The following EIPR1 variants were observed in gnomAD, a reference collection of about 807,000 sequenced individuals.
EIPR1 encodes the protein EARP and GARP complex-interacting protein 1.
EIPR1 carries 25 observed loss-of-function variants against 48.1 expected under a neutral mutation model. The ratio of observed to expected loss-of-function variants is 0.52; its 90% CI spans 0.38 to 0.73. The LOEUF (loss-of-function observed/expected upper bound fraction) is 0.73. EIPR1 is among the 30% of genes least tolerant of loss of function. The pLI, the probability that EIPR1 is intolerant of heterozygous loss-of-function variation, is 0.00. For synonymous variants in EIPR1, 204 were observed against 201.9 expected, an observed-to-expected ratio of 1.01 and a Z score of -0.09; for missense variants, 415 against 506.2, an observed-to-expected ratio of 0.82 and a Z score of 1.73.
intron 3 of EIPR1, among the ~76,000 whole-genome samples, chr2:3,295,395 T>TCC (rs1668529642): frequency 8.3e-6 from 1 of 120,858 alleles, no homozygotes; most frequent in Non-Finnish European, 1.7e-5. Flanking sequence ...GGCTATCCTC[T>TCC]CTACACACAC....
At chr2:3,354,498 A>C (rs1670670869) in intron 2 of EIPR1, 52 bp downstream of exon 2, 1 of 1,534,506 alleles carries the variant, frequency 6.5e-7, no homozygotes. Flanking sequence ...TGGTTATAAA[A>C]CTAAGAATAG....
rs912415882 is a variant in EIPR1, at chr2:3,315,117, G to A, written c.259+22900C>T. ...CCATATCACTGTCTTCACCACCTCCGTCCACACCACCATCATCATCACTAG... is the reference window on the plus strand; with the variant it reads ...CCATATCACTGTCTTCACCACCTCCATCCACACCACCATCATCATCACTAG... On this transcript the variant is annotated intron_variant, in intron 3 of 8. Transcript: ENST00000382125. Among the ~76,000 whole-genome samples the A allele has an allele frequency of 5.1e-5, 6 of 118,314 alleles. 1 individual carries two copies. The highest frequency in any genetic ancestry group is 3.1e-4 in the South Asian group (1 of 3,188). 77.6% of individuals were successfully genotyped at this position (118,314 alleles called of 152,430 possible).
intron 4 of EIPR1, among the ~76,000 whole-genome samples, chr2:3,222,842 C>T (rs1470121088): frequency 6.6e-6 from 1 of 152,226 alleles, no homozygotes; most frequent in Non-Finnish European, 1.5e-5. Context: ...AGGAAACCAA[C>T]TACACAAACA....
intron 2 of EIPR1, among the ~76,000 whole-genome samples, chr2:3,341,038 G>A (rs1446813379): frequency 1.4e-5 from 2 of 140,520 alleles, no homozygotes; most frequent in Non-Finnish European, 3.0e-5. Flanking sequence ...GGGAGGTGCA[G>A]TGAGCCGAGA....
intron 2 of EIPR1, among the ~76,000 whole-genome samples, chr2:3,346,329 T>C (rs1007003787): frequency 1.3e-5 from 2 of 152,102 alleles, no homozygotes; most frequent in Non-Finnish European, 2.9e-5. Flanking sequence ...AGGCATGGGG[T>C]TTCTGGATAG....
chr2:3,365,332 A>C (rs1572488197), intron 1 of EIPR1, among the ~76,000 whole-genome samples: 2 of 152,276 alleles, frequency 1.3e-5, no homozygotes, highest in East Asian at 3.9e-4. Context: ...TAAATAAATA[A>C]TAAATGAGCT....
rs113606967 is a variant in EIPR1 at position 3,308,011 on chromosome 2, C to G, written c.259+30006G>C. 1.0e-2 allele frequency among the ~76,000 whole-genome samples: 1,519 copies of G among 152,256 alleles called. 33 individuals carry two copies. Among genetic ancestry groups the G allele is most frequent in the African/African-American group, 0.034 (1,421 of 41,542 alleles). ...AGAACAGGCCTGGGAATGCTCTCGG[C>G]GTCTCCCACACACAACAGAGCCACA... On this transcript the variant is annotated intron_variant, in intron 3 of 8. Coordinates refer to ENST00000382125, the MANE Select transcript of EIPR1 (RefSeq NM_003310.5).
chr2:3,345,780 A>G (rs1264133413), intron 2 of EIPR1, among the ~76,000 whole-genome samples: 1 of 152,152 alleles, frequency 6.6e-6, no homozygotes, highest in African/African-American at 2.4e-5. Context: ...TTCTCTTTAC[A>G]CGGATGCACA....
At chr2:3,253,674 T>TC (rs2103212498) in intron 4 of EIPR1, among the ~76,000 whole-genome samples, 1 of 152,302 alleles carries the variant, frequency 6.6e-6, no homozygotes, top group Non-Finnish European at 1.5e-5. Flanking sequence ...TGATTAGTGT[T>TC]CTGGGGGGCA....
In EIPR1 at chr2:3,192,491, G is replaced by A. The variant is rs766952444; in HGVS notation, c.912C>T (p.Ser304=). 6.2e-7 allele frequency: 1 copy of A among 1,613,036 alleles called. No individual in the cohort carries two copies. Among genetic ancestry groups the A allele is most frequent in the South Asian group, 1.1e-5 (1 of 90,954 alleles). Residue 304 remains serine, a synonymous_variant, in exon 8 of 9, where the codon TCC becomes TCT. Transcript: ENST00000382125. ...DSRVILSNMV[S]ISSEPFGHLV... ...AGTGGCCGAAGGGCTCCGACGAGAT[G>A]GACACCATGTTGGAAAGGATGACTC...
At chr2:3,282,718 G>C (rs1259521734) in intron 3 of EIPR1, 2 of 152,300 alleles carry the variant, frequency 1.3e-5, no homozygotes. Context: ...CGCCTGTCGC[G>C]GTGCTGGCTG....
intron 3 of EIPR1, among the ~76,000 whole-genome samples, chr2:3,279,457 C>T (rs1181349755): frequency 6.6e-6 from 1 of 152,216 alleles, no homozygotes; most frequent in South Asian, 2.1e-4. Flanking sequence ...CAGGCAAGGT[C>T]GGAATCCCCG....
At chr2:3,282,693 T>C (rs1572393282) in intron 3 of EIPR1, 1 of 152,266 alleles carries the variant, frequency 6.6e-6, no homozygotes, top group Non-Finnish European at 1.5e-5. Flanking sequence ...CGCTCCCGAG[T>C]CTGCACCAGG....
chr2:3,258,581 G>A (rs1301609089), intron 3 of EIPR1, among the ~76,000 whole-genome samples: 3 of 152,144 alleles, frequency 2.0e-5, no homozygotes, highest in Non-Finnish European at 2.9e-5. Context: ...GGTTACAATC[G>A]AAAATGTATC....
chr2:3,196,815 A>G, intron 6 of EIPR1, 66 bp downstream of exon 6: 1 of 1,580,814 alleles, frequency 6.3e-7, no homozygotes, highest in Non-Finnish European at 8.6e-7. Context: ...CAGCTCCACC[A>G]TCATCCCGGT....
intron 3 of EIPR1, among the ~76,000 whole-genome samples, chr2:3,266,043 AGG>A: frequency 6.6e-6 from 1 of 152,346 alleles, no homozygotes; most frequent in African/African-American, 2.4e-5. Context: ...GGCAAAATGA[AGG>A]GAGGGAGGCA....
intron 4 of EIPR1, among the ~76,000 whole-genome samples, chr2:3,232,701 A>G (rs1357548037): frequency 2.0e-5 from 3 of 152,086 alleles, no homozygotes; most frequent in African/African-American, 7.3e-5. Context: ...CAGGGGAGAG[A>G]GCCGGTTCCC....
intron 4 of EIPR1, among the ~76,000 whole-genome samples, chr2:3,234,832 T>C (rs1666350445): frequency 6.6e-6 from 1 of 152,176 alleles, no homozygotes; most frequent in Non-Finnish European, 1.5e-5. Flanking sequence ...TCCTGTGCTT[T>C]GAAGTAAGTG....
intron 3 of EIPR1, among the ~76,000 whole-genome samples, chr2:3,299,620 T>TCA (rs1327026136): frequency 4.5e-4 from 55 of 121,420 alleles, no homozygotes; most frequent in African/African-American, 8.1e-4. Context: ...TCTCTCTCTC[T>TCA]CTCTCACACA....
Sources: allele counts gnomAD v4.1 joint callset (sites outside exome capture counted in the v4.1 genomes callset), GRCh38; gene constraint gnomAD v4.1.1; transcripts MANE v1.5; gene names NCBI Gene and HGNC (gene_info 2026-07-23, HGNC 2026-07-21).